Variants in IL1RL1 observed in about 807,000 individuals in gnomAD.
IL1RL1 encodes the protein interleukin 1 receptor like 1.
Under a neutral mutation model 50.9 loss-of-function variants are expected in IL1RL1, and 32 were observed. That is an observed-to-expected ratio of 0.63 (90% confidence interval 0.47 to 0.84). The LOEUF is 0.84. Ranked by LOEUF, IL1RL1 falls within the 40% of genes least tolerant of loss-of-function variation. IL1RL1 has a pLI of 0.00. For synonymous variants in IL1RL1, 275 were observed against 236.0 expected (o/e 1.17, Z -1.51); for missense variants, 773 against 662.9 (o/e 1.17, Z -1.82).
chr2:102,344,364 A>C lies in IL1RL1; in HGVS notation c.970+949A>C, dbSNP rs2160203. The C allele has an allele frequency of 5.2e-6, 5 of 957,492 alleles. No individual in the cohort carries two copies. The African/African-American group carries it at 8.9e-5, about 17-fold the overall frequency. 59.3% of individuals were successfully genotyped at this position (957,492 alleles called of 1,614,324 possible). A position where few individuals can be genotyped will look rare whatever the true frequency, so the allele number is the denominator to read the frequency against. ...CATACCACACACATTATCATTGTTA[A>C]ACTTTGTAAAGTATTTAAGGTACAT... On this transcript the variant is annotated intron_variant, in intron 8 of 10. Transcript: ENST00000233954.
At chr2:102,338,807 C>G in intron 2 of IL1RL1, 30 bp from the exon 3 acceptor site, 4 of 1,487,314 alleles carry the variant, frequency 2.7e-6, no homozygotes, top group Non-Finnish European at 3.7e-6. Context: ...TTGATCATTT[C>G]AGGATTGTCT....
chr2:102,343,632 C>A (rs1346450901), intron 8 of IL1RL1: 20 of 1,433,702 alleles, frequency 1.4e-5, no homozygotes, highest in Non-Finnish European at 1.7e-5. Context: ...TCCTCCCCCA[C>A]TCCCTCCTAT....
At position 102,351,499 on chromosome 2, in the gene IL1RL1, A is replaced by C. The variant is rs745939856; in HGVS notation, c.1286-37A>C. 5 of 1,570,402 alleles carry C rather than the reference A, an allele frequency of 3.2e-6. No individual in the cohort carries two copies. In the Admixed American group the frequency reaches 8.7e-5, roughly 27 times the overall value. On this transcript the variant is annotated intron_variant, in intron 10 of 10. Transcript: ENST00000233954. ...AGGATGTTTATGTTTAAAGCATTAG[A>C]CTGATAAGAAATCTGATCTATTTCT...
chr2:102,327,199 C>T (rs1677034310), intron 1 of IL1RL1, among the ~76,000 whole-genome samples: 1 of 152,154 alleles, frequency 6.6e-6, no homozygotes, highest in South Asian at 2.1e-4. Context: ...GATTAAGAAA[C>T]TTACTCAAAA....
chr2:102,342,944 G>A, intron 6 of IL1RL1, 92 bp from the exon 7 acceptor site: 2 of 1,267,742 alleles, frequency 1.6e-6, no homozygotes, highest in East Asian at 2.3e-5. Flanking sequence ...TGCATACTAA[G>A]TGTTCAGTAA....
chr2:102,332,241 T>C (rs1677196740), intron 1 of IL1RL1, among the ~76,000 whole-genome samples: 3 of 152,118 alleles, frequency 2.0e-5, no homozygotes, highest in African/African-American at 4.8e-5. Context: ...AAGTAGAATG[T>C]TAGAAGTGAT....
At chr2:102,314,458 T>A (rs745488657) in intron 1 of IL1RL1, among the ~76,000 whole-genome samples, 2 of 152,196 alleles carry the variant, frequency 1.3e-5, no homozygotes, top group African/African-American at 4.8e-5. Flanking sequence ...AGAATAAAGA[T>A]AGTGTCCACC....
chr2:102,311,968 AATATTATATATAATATATATT>A (rs1559592130), intron 1 of IL1RL1, among the ~76,000 whole-genome samples: 1,663 of 27,650 alleles, frequency 0.06, 223 homozygotes, highest in African/African-American at 0.23. Context: ...TATTATATAT[AATATTATATATAATATATATT>A]ATATATAATA....
rs201973706 is a variant in IL1RL1, at chr2:102,340,802, C to G, written c.584C>G (p.Thr195Arg). The G allele has an allele frequency of 6.3e-7, 1 of 1,577,056 alleles. No homozygotes were observed. The highest frequency in any genetic ancestry group is 1.4e-5 in the African/African-American group (1 of 71,768). ...GAAAATGGAGCCAATTATAGTGTGACGGCGACCAGGTCCTTCACGGTCAAG... is the reference window on the plus strand; with the variant it reads ...GAAAATGGAGCCAATTATAGTGTGAGGGCGACCAGGTCCTTCACGGTCAAG... ...HNENGANYSV[T>R]ATRSFTVKDE... The change falls in exon 5 of 11, where the codon ACG (threonine) becomes AGG (arginine). Residue 195 changes from threonine (T) to arginine (R), a missense_variant. Thr to Arg is a moderately conservative substitution (Grantham distance 71, BLOSUM62 -1). Transcript: ENST00000233954.
In IL1RL1 at chr2:102,343,333, T is replaced by C. The variant is rs777666935; in HGVS notation, c.888T>C (p.Asp296=). 3.1e-6 allele frequency: 5 copies of C among 1,614,186 alleles called. No homozygotes were observed. The highest frequency in any genetic ancestry group is 1.6e-4 in the Middle Eastern group (1 of 6,062). The stretch of plus-strand genomic sequence containing the variant: ...GAATAGCTGACGTGAAGGAAGAGGA[T>C]TTATTGCTGCAGTACGACTGTCTGG... ...VLRIADVKEE[D]LLLQYDCLAL... is the part of the protein sequence containing the mutation. Residue 296 remains aspartate (D), a synonymous_variant, in exon 8 of 11, where the codon GAT becomes GAC. Coordinates refer to ENST00000233954, the MANE Select transcript of IL1RL1 (RefSeq NM_016232.5).
At chr2:102,327,997 G>T (rs1357089754) in intron 1 of IL1RL1, among the ~76,000 whole-genome samples, 12 of 152,018 alleles carry the variant, frequency 7.9e-5, no homozygotes, top group Admixed American at 5.9e-4. Flanking sequence ...CCTCCCTAAC[G>T]CATTTTATGA....
rs148477219 is a variant in IL1RL1 at position 102,349,208 on chromosome 2, C to A, written c.1247C>A (p.Thr416Asn). 11 of 1,613,728 alleles carry A rather than the reference C, an allele frequency of 6.8e-6. No individual in the cohort carries two copies. Among genetic ancestry groups the A allele is most frequent in the Non-Finnish European group, 9.3e-6 (11 of 1,179,720 alleles). The change falls in exon 10 of 11, where the codon ACC (threonine) becomes AAC (asparagine). Residue 416 changes from threonine to asparagine, a missense_variant. Thr to Asn is a moderately conservative substitution (Grantham distance 65). Coordinates refer to ENST00000233954, the MANE Select transcript of IL1RL1 (RefSeq NM_016232.5). ...PDVLENKCGY[T>N]LCIYGRDMLP... is the part of the protein sequence containing the mutation. ...GTTCTTGAAAATAAATGTGGCTATACCTTATGCATTTATGGGAGAGATATG... is the reference window on the plus strand; with the variant it reads ...GTTCTTGAAAATAAATGTGGCTATAACTTATGCATTTATGGGAGAGATATG...
Position 102,340,655 on chromosome 2 carries a change from TC to T in IL1RL1, c.448-10del. The T allele has an allele frequency of 6.3e-7, 1 of 1,579,200 alleles. No individual in the cohort carries two copies. Among genetic ancestry groups the T allele is most frequent in the Non-Finnish European group, 8.5e-7 (1 of 1,170,254 alleles). ...GAATTACTGAGAAGGAAATGGAATT[TC>T]TTATTTCAGAATTGTCAGGCTCTTC... is the stretch of plus-strand genomic sequence containing the variant. On this transcript the variant is annotated splice_polypyrimidine_tract_variant and intron_variant, in intron 4 of 10. Coordinates refer to ENST00000233954, the MANE Select transcript of IL1RL1 (RefSeq NM_016232.5).
intron 1 of IL1RL1, among the ~76,000 whole-genome samples, chr2:102,327,189 G>C (rs1335894112): frequency 1.3e-5 from 2 of 152,076 alleles, no homozygotes; most frequent in Non-Finnish European, 2.9e-5. Context: ...TAGAACTCAG[G>C]ATTAAGAAAC....
intron 1 of IL1RL1, among the ~76,000 whole-genome samples, chr2:102,318,018 G>T (rs773453541): frequency 1.3e-5 from 2 of 152,308 alleles, no homozygotes; most frequent in East Asian, 1.9e-4. Flanking sequence ...AAGATTGGGG[G>T]TGTAGCAGGA....
intron 1 of IL1RL1, among the ~76,000 whole-genome samples, chr2:102,314,199 A>G (rs1676606427): frequency 6.6e-6 from 1 of 152,222 alleles, no homozygotes; most frequent in Middle Eastern, 3.2e-3. Context: ...CCAGACCCTG[A>G]GACAAGCACT....
At chr2:102,343,708 C>T in intron 8 of IL1RL1, 1 of 1,322,146 alleles carries the variant, frequency 7.6e-7, no homozygotes. Context: ...TTATGAACTC[C>T]CTCTGTGTCA....
At position 102,340,845 on chromosome 2, in the gene IL1RL1, A is replaced by G. The variant is rs746703120; in HGVS notation, c.610+17A>G. 4 of 1,540,036 alleles carry G rather than the reference A, an allele frequency of 2.6e-6. No homozygotes were observed. The highest frequency in any genetic ancestry group is 3.5e-6 in the Non-Finnish European group (4 of 1,151,356). ...CGGTCAAGGGTAAGCTACTGACATT[A>G]ATGAGATAGAATACTACGTGAAAGA... On this transcript the variant is annotated intron_variant, in intron 5 of 10. Coordinates refer to ENST00000233954, the MANE Select transcript of IL1RL1 (RefSeq NM_016232.5).
intron 1 of IL1RL1, among the ~76,000 whole-genome samples, chr2:102,328,241 C>T (rs1469589572): frequency 6.6e-6 from 1 of 152,268 alleles, no homozygotes; most frequent in East Asian, 1.9e-4. Flanking sequence ...ATAAACAGAA[C>T]CAATGACAAA....
Sources: allele counts gnomAD v4.1 joint callset (sites outside exome capture counted in the v4.1 genomes callset), GRCh38; gene constraint gnomAD v4.1.1; transcripts MANE v1.5; gene names NCBI Gene and HGNC (gene_info 2026-07-23, HGNC 2026-07-21).